ERC2: variants seen among roughly 807,000 people sequenced by gnomAD.
ERC2 encodes the protein ERC protein 2.
Under a neutral mutation model 114.8 loss-of-function variants are expected in ERC2, and 42 were observed. The observed-to-expected ratio is 0.37, with a 90% CI of 0.29 to 0.47. ERC2 has a LOEUF of 0.47. ERC2 is among the 20% of genes least tolerant of loss of function. The probability of loss-of-function intolerance (pLI) is 0.99; values close to 1 mark genes in which losing one functional copy is unlikely to be tolerated. For missense variants in ERC2, 939 were observed against 1,150.7 expected (o/e 0.82, Z 2.66); for synonymous variants, 454 against 425.5 (o/e 1.07, Z -0.82).
chr3:56,011,461 C>T (rs1471786596), intron 8 of ERC2, among the ~76,000 whole-genome samples: 1 of 152,138 alleles, frequency 6.6e-6, no homozygotes, highest in Non-Finnish European at 1.5e-5. Flanking sequence ...GTCAGCCACA[C>T]CCATGAGACC....
At chr3:55,591,308 G>A (rs976494852) in intron 17 of ERC2, among the ~76,000 whole-genome samples, 1 of 151,596 alleles carries the variant, frequency 6.6e-6, no homozygotes, top group South Asian at 2.1e-4. Context: ...CTTCTGTCAC[G>A]TAAAACCTCA....
chr3:56,446,625 CTTTCT>C (rs1216943065), intron 1 of ERC2, among the ~76,000 whole-genome samples: 1 of 112,360 alleles, frequency 8.9e-6, no homozygotes, highest in Non-Finnish European at 1.8e-5. Flanking sequence ...TTTTTTTTTT[CTTTCT>C]TTTTTTTTTT....
chr3:55,644,845 G>GT (rs926419447), intron 17 of ERC2, among the ~76,000 whole-genome samples: 1 of 151,964 alleles, frequency 6.6e-6, no homozygotes, highest in Non-Finnish European at 1.5e-5. Context: ...TTATCATCAT[G>GT]TTTTCCATCC....
chr3:55,955,697 G>A (rs1343695204), intron 12 of ERC2, among the ~76,000 whole-genome samples: 1 of 152,138 alleles, frequency 6.6e-6, no homozygotes, highest in African/African-American at 2.4e-5. Flanking sequence ...AAGTTGCAAT[G>A]AACATTCTTA....
chr3:56,020,967 AG>A, intron 7 of ERC2, among the ~76,000 whole-genome samples: 1 of 152,144 alleles, frequency 6.6e-6, no homozygotes, highest in East Asian at 1.9e-4. Context: ...CTGAAGAAAT[AG>A]GGATGGTGGA....
intron 3 of ERC2, among the ~76,000 whole-genome samples, chr3:56,227,140 C>T (rs1228047453): frequency 6.6e-6 from 1 of 152,130 alleles, no homozygotes; most frequent in Non-Finnish European, 1.5e-5. Context: ...AATACCCTCA[C>T]ATCCTTTCCT....
intron 14 of ERC2, among the ~76,000 whole-genome samples, chr3:55,768,810 C>T (rs570815898): frequency 1.1e-3 from 173 of 152,330 alleles, no homozygotes; most frequent in Non-Finnish European, 2.1e-3. Context: ...GCAGGTTACA[C>T]ACCCTAGTTG....
chr3:56,168,556 A>G (rs1223452085), intron 4 of ERC2, among the ~76,000 whole-genome samples: 5 of 152,182 alleles, frequency 3.3e-5, no homozygotes, highest in Non-Finnish European at 1.5e-5. Context: ...CAAGTTCATA[A>G]TGGGTATTGG....
intron 6 of ERC2, among the ~76,000 whole-genome samples, chr3:56,117,668 A>G (rs772982440): frequency 9.9e-5 from 15 of 152,240 alleles, no homozygotes; most frequent in Non-Finnish European, 2.1e-4. Flanking sequence ...TGACACATAT[A>G]GAGTGCTCAG....
chr3:56,113,079 T>C (rs560300966), intron 6 of ERC2, among the ~76,000 whole-genome samples: 9 of 152,162 alleles, frequency 5.9e-5, no homozygotes, highest in Non-Finnish European at 1.2e-4. Flanking sequence ...ATCTAATAGG[T>C]GGGGTGTTAA....
intron 1 of ERC2, among the ~76,000 whole-genome samples, chr3:56,440,988 T>G (rs1161272098): frequency 6.6e-6 from 1 of 152,204 alleles, no homozygotes; most frequent in Non-Finnish European, 1.5e-5. Flanking sequence ...TCTATTTCCT[T>G]TGTCCTTGAA....
At chr3:56,366,365 G>A (rs2059150350) in intron 2 of ERC2, among the ~76,000 whole-genome samples, 1 of 152,128 alleles carries the variant, frequency 6.6e-6, no homozygotes, top group Non-Finnish European at 1.5e-5. Flanking sequence ...CCTTTGGGTG[G>A]TCTTTGTTTA....
At chr3:56,206,616 G>A (rs2048753897) in intron 3 of ERC2, among the ~76,000 whole-genome samples, 1 of 152,022 alleles carries the variant, frequency 6.6e-6, no homozygotes, top group Non-Finnish European at 1.5e-5. Flanking sequence ...TAGGTATGAG[G>A]GTACTATATG....
intron 14 of ERC2, among the ~76,000 whole-genome samples, chr3:55,876,449 T>C (rs2062847938): frequency 6.6e-6 from 1 of 152,210 alleles, no homozygotes; most frequent in African/African-American, 2.4e-5. Context: ...CTCATTTCTC[T>C]TCTATCCTTT....
At chr3:56,239,011 A>G (rs1224082735) in intron 3 of ERC2, among the ~76,000 whole-genome samples, 2 of 152,188 alleles carry the variant, frequency 1.3e-5, no homozygotes, top group Non-Finnish European at 2.9e-5. Context: ...ATGGTTTGAA[A>G]TGCATAAGGA....
intron 3 of ERC2, among the ~76,000 whole-genome samples, chr3:56,188,377 G>A (rs1258142266): frequency 1.3e-5 from 2 of 152,162 alleles, no homozygotes; most frequent in African/African-American, 2.4e-5. Flanking sequence ...GCTCCAGCCA[G>A]AGGGCCCATT....
intron 17 of ERC2, among the ~76,000 whole-genome samples, chr3:55,626,174 GC>G (rs1254170882): frequency 6.6e-6 from 1 of 152,180 alleles, no homozygotes; most frequent in African/African-American, 2.4e-5. Flanking sequence ...TCTTTAGCAT[GC>G]CTTTTTGACC....
At chr3:56,265,460 G>A (rs2053229012) in intron 3 of ERC2, among the ~76,000 whole-genome samples, 1 of 152,078 alleles carries the variant, frequency 6.6e-6, no homozygotes, top group Admixed American at 6.6e-5. Context: ...AACTCAAAAT[G>A]AATGAAAGAC....
At chr3:55,767,917 C>A (rs761282048) in intron 14 of ERC2, among the ~76,000 whole-genome samples, 1 of 152,156 alleles carries the variant, frequency 6.6e-6, no homozygotes, top group Non-Finnish European at 1.5e-5. Context: ...AAACTGTACT[C>A]CCCAGTGTTG....
Sources: gnomAD v4.1 joint callset for allele counts (sites outside exome capture counted in the v4.1 genomes callset) on GRCh38, gnomAD v4.1.1 for gene constraint, MANE v1.5 for transcripts, NCBI Gene and HGNC (gene_info 2026-07-23, HGNC 2026-07-21) for gene names.